The following MYO3B variants were observed in gnomAD, a reference collection of about 807,000 sequenced individuals.
MYO3B encodes the protein myosin-IIIb.
A neutral mutation model predicts 174.6 loss-of-function variants in MYO3B; 156 were observed. The observed-to-expected ratio is 0.89, with a 90% CI of 0.78 to 1.02. The LOEUF (loss-of-function observed/expected upper bound fraction) is 1.02, where lower values mean the gene tolerates loss of function less well. Among genes scored for constraint, MYO3B ranks in the 50% least tolerant of loss-of-function variants. MYO3B has a pLI of 0.00. For missense variants in MYO3B, 1,632 were observed against 1,639.4 expected, an observed-to-expected ratio of 1.00 and a Z score of 0.08; for synonymous variants, 563 against 569.1, an observed-to-expected ratio of 0.99 and a Z score of 0.15.
chr2:170,604,497 A>G (rs754724932), intron 32 of MYO3B, among the ~76,000 whole-genome samples: 11 of 152,324 alleles, frequency 7.2e-5, no homozygotes, highest in South Asian at 2.1e-4. Context: ...AATAAAATTT[A>G]TAATGAAATT....
chr2:170,330,946 G>A (rs1464705317), intron 7 of MYO3B, among the ~76,000 whole-genome samples: 2 of 152,146 alleles, frequency 1.3e-5, no homozygotes, highest in Non-Finnish European at 2.9e-5. Flanking sequence ...TGGCCTACCT[G>A]CAACATGTAT....
chr2:170,494,733 A>G (rs1686734032), intron 25 of MYO3B, among the ~76,000 whole-genome samples: 1 of 150,866 alleles, frequency 6.6e-6, no homozygotes, highest in Middle Eastern at 3.2e-3. Context: ...GTCTCAAAAA[A>G]AAAAAAAAAA....
intron 32 of MYO3B, among the ~76,000 whole-genome samples, chr2:170,559,571 C>G (rs917555259): frequency 1.3e-5 from 2 of 152,014 alleles, no homozygotes; most frequent in African/African-American, 2.4e-5. Context: ...AAAATACTTG[C>G]AATTTTTTAA....
intron 7 of MYO3B, among the ~76,000 whole-genome samples, chr2:170,297,837 G>A (rs2093638451): frequency 6.6e-6 from 1 of 152,120 alleles, no homozygotes; most frequent in African/African-American, 2.4e-5. Flanking sequence ...CACTGTTCAT[G>A]ATTAGTACAG....
chr2:170,448,811 A>G (rs1451614316), intron 23 of MYO3B, among the ~76,000 whole-genome samples: 1 of 151,500 alleles, frequency 6.6e-6, no homozygotes, highest in Non-Finnish European at 1.5e-5. Context: ...TTTGAAGTAT[A>G]ATTTTTCTCT....
At chr2:170,472,899 C>T (rs2105986313) in intron 25 of MYO3B, among the ~76,000 whole-genome samples, 1 of 151,518 alleles carries the variant, frequency 6.6e-6, no homozygotes, top group Non-Finnish European at 1.5e-5. Flanking sequence ...TGAGGTCTCA[C>T]CATGTTGCCC....
Position 170,654,649 on chromosome 2 carries a change from A to G in MYO3B, c.*1528A>G, listed in dbSNP as rs1159382525. ...GGCGACAGGGCAAGACTCTGTCTCA[A>G]AAAAAAAAAAAAAAAAAAAAAAAAG... On this transcript the variant is annotated 3_prime_UTR_variant, in exon 35 of 35. Coordinates refer to ENST00000408978, the MANE Select transcript of MYO3B (RefSeq NM_138995.5). 1.5e-5 allele frequency: 1 copy of G among 65,728 alleles called. No homozygotes were observed. Among genetic ancestry groups the G allele is most frequent in the Non-Finnish European group, 2.7e-5 (1 of 37,094 alleles). 4.1% of individuals were successfully genotyped at this position (65,728 alleles called of 1,614,324 possible).
intron 25 of MYO3B, among the ~76,000 whole-genome samples, chr2:170,489,672 G>T (rs140456681): frequency 0.033 from 2,887 of 88,568 alleles, 81 homozygotes; most frequent in African/African-American, 0.097. Context: ...TGTGTGTCTG[G>T]GTAAGTGTGG....
chr2:170,304,665 C>T (rs1454936549), intron 7 of MYO3B, among the ~76,000 whole-genome samples: 1 of 151,880 alleles, frequency 6.6e-6, no homozygotes, highest in Non-Finnish European at 1.5e-5. Flanking sequence ...TGGGGTTTCA[C>T]CATGTTGGCC....
intron 32 of MYO3B, among the ~76,000 whole-genome samples, chr2:170,588,154 A>C (rs572408541): frequency 6.6e-6 from 1 of 152,202 alleles, no homozygotes; most frequent in East Asian, 1.9e-4. Context: ...CACACAAGAC[A>C]GGCTTGGTGA....
intron 32 of MYO3B, among the ~76,000 whole-genome samples, chr2:170,563,059 C>CACACAG (rs1398183134): frequency 1.3e-5 from 2 of 149,028 alleles, no homozygotes; most frequent in African/African-American, 5.0e-5. Context: ...CACACACACA[C>CACACAG]ACACTCTAGA....
At chr2:170,387,611 A>G (rs2094385720) in intron 14 of MYO3B, among the ~76,000 whole-genome samples, 1 of 152,218 alleles carries the variant, frequency 6.6e-6, no homozygotes, top group Admixed American at 6.5e-5. Flanking sequence ...GCCCCTTAAA[A>G]TTGAACTTGT....
intron 32 of MYO3B, among the ~76,000 whole-genome samples, chr2:170,578,621 G>T (rs17279667): frequency 0.13 from 20,422 of 152,248 alleles, 1,476 homozygotes; most frequent in Non-Finnish European, 0.16. Flanking sequence ...TGTTAAAAAT[G>T]TATTCAACGT....
intron 7 of MYO3B, among the ~76,000 whole-genome samples, chr2:170,253,610 G>C (rs1414524319): frequency 6.6e-6 from 1 of 152,046 alleles, no homozygotes. Context: ...CTGGGCAGTG[G>C]GTGTGTGTAA....
At chr2:170,305,214 T>C (rs980483316) in intron 7 of MYO3B, among the ~76,000 whole-genome samples, 2 of 152,208 alleles carry the variant, frequency 1.3e-5, no homozygotes, top group African/African-American at 4.8e-5. Flanking sequence ...TGTCACGGTG[T>C]AGGATAGTTC....
intron 3 of MYO3B, among the ~76,000 whole-genome samples, chr2:170,201,439 G>A (rs2092660366): frequency 6.6e-6 from 1 of 152,128 alleles, no homozygotes; most frequent in South Asian, 2.1e-4. Flanking sequence ...TCACTGTCTG[G>A]TACCTCTTGT....
chr2:170,280,919 A>G (rs925518617), intron 7 of MYO3B, among the ~76,000 whole-genome samples: 2 of 152,032 alleles, frequency 1.3e-5, no homozygotes, highest in African/African-American at 4.8e-5. Flanking sequence ...TGATGCCTCC[A>G]GTTTTGTTCT....
intron 25 of MYO3B, among the ~76,000 whole-genome samples, chr2:170,487,198 A>T (rs1686123133): frequency 6.6e-6 from 1 of 152,214 alleles, no homozygotes; most frequent in East Asian, 1.9e-4. Flanking sequence ...TCAGTTTCTC[A>T]TACGACATGG....
chr2:170,313,944 A>C (rs1332570463), intron 7 of MYO3B, among the ~76,000 whole-genome samples: 1 of 152,168 alleles, frequency 6.6e-6, no homozygotes, highest in African/African-American at 2.4e-5. Context: ...CTGCATGGAT[A>C]ATTACTGCCA....
Sources: allele counts gnomAD v4.1 joint callset (sites outside exome capture counted in the v4.1 genomes callset), GRCh38; gene constraint gnomAD v4.1.1; transcripts MANE v1.5; gene names NCBI Gene and HGNC (gene_info 2026-07-23, HGNC 2026-07-21).